DEPDC1B: variants seen among roughly 807,000 people sequenced by gnomAD.
DEPDC1B encodes DEP domain containing 1B.
Under a neutral mutation model 66.5 loss-of-function variants are expected in DEPDC1B, and 51 were observed. The ratio of observed to expected loss-of-function variants is 0.77; its 90% CI spans 0.61 to 0.97. DEPDC1B has a LOEUF of 0.97. DEPDC1B is among the 50% of genes least tolerant of loss of function. DEPDC1B has a pLI of 0.00. For synonymous variants in DEPDC1B, 226 were observed against 223.6 expected, an observed-to-expected ratio of 1.01 and a Z score of -0.10; for missense variants, 552 against 637.1, an observed-to-expected ratio of 0.87 and a Z score of 1.44.
rs2111689816 is a variant in DEPDC1B at position 60,597,627 on chromosome 5, TTATC to T, written c.*122_*125del. 1 of 1,034,748 alleles carries T rather than the reference TTATC, an allele frequency of 9.7e-7. No individual in the cohort carries two copies. The highest frequency in any genetic ancestry group is 1.4e-6 in the Non-Finnish European group (1 of 719,278). 64.1% of individuals were successfully genotyped at this position (1,034,748 alleles called of 1,614,324 possible). ...ACATTTTTAAAAACTAAGGCAATCTTTATCTATATTTCAGTAGTCTTTGTTTTAT... is the reference window on the plus strand; with the variant it reads ...ACATTTTTAAAAACTAAGGCAATCTTTATATTTCAGTAGTCTTTGTTTTAT... On this transcript the variant is annotated 3_prime_UTR_variant, in exon 11 of 11. Transcript: ENST00000265036.
chr5:60,620,857 A>T (rs1004039740), intron 7 of DEPDC1B, among the ~76,000 whole-genome samples: 1 of 152,258 alleles, frequency 6.6e-6, no homozygotes, highest in African/African-American at 2.4e-5. Flanking sequence ...TTATTGAGGC[A>T]CTATTCACAA....
intron 7 of DEPDC1B, among the ~76,000 whole-genome samples, chr5:60,634,027 G>T (rs764332488): frequency 3.9e-5 from 6 of 152,194 alleles, no homozygotes; most frequent in Non-Finnish European, 5.9e-5. Flanking sequence ...CCATGGACAG[G>T]TATAGGCAAA....
intron 2 of DEPDC1B, among the ~76,000 whole-genome samples, chr5:60,685,993 C>A (rs1178566619): frequency 6.6e-6 from 1 of 152,164 alleles, no homozygotes. Context: ...GAAGTTAGAT[C>A]CTAATGCACA....
In DEPDC1B at chr5:60,618,000, G is replaced by A. The variant is rs541078004; in HGVS notation, c.899-12144C>T. ...TTAAGAAACTCACTCAAAACCGCTC[G>A]ACTACATGGAAATTGAACAACCTGC... On this transcript the variant is annotated intron_variant, in intron 7 of 10. Transcript: ENST00000265036. Among the ~76,000 whole-genome samples the A allele has an allele frequency of 6.5e-4, 99 of 152,220 alleles. 2 individuals are homozygous for A. The South Asian group carries it at 0.013, about 20-fold the overall frequency.
intron 2 of DEPDC1B, among the ~76,000 whole-genome samples, chr5:60,669,308 A>G (rs1753976159): frequency 6.6e-6 from 1 of 152,212 alleles, no homozygotes; most frequent in South Asian, 2.1e-4. Context: ...GAGATTAACT[A>G]TATACTGTGG....
At chr5:60,639,053 T>G (rs1369931135) in intron 6 of DEPDC1B, among the ~76,000 whole-genome samples, 163 bp from the exon 7 acceptor site, 1 of 152,218 alleles carries the variant, frequency 6.6e-6, no homozygotes, top group Non-Finnish European at 1.5e-5. Flanking sequence ...CATTCTACAC[T>G]GATATTAATT....
chr5:60,605,194 A>C (rs1752284400), intron 8 of DEPDC1B, among the ~76,000 whole-genome samples: 1 of 152,234 alleles, frequency 6.6e-6, no homozygotes, highest in Non-Finnish European at 1.5e-5. Flanking sequence ...AAAGGGTACA[A>C]AGATCCAGTG....
At chr5:60,611,117 C>G (rs1752407125) in intron 7 of DEPDC1B, among the ~76,000 whole-genome samples, 4 of 152,198 alleles carry the variant, frequency 2.6e-5, no homozygotes, top group Admixed American at 2.6e-4. Context: ...CACACCATGT[C>G]TCTGTATCAC....
intron 2 of DEPDC1B, among the ~76,000 whole-genome samples, chr5:60,657,594 T>C (rs1301793752): frequency 6.6e-6 from 1 of 152,214 alleles, no homozygotes; most frequent in Non-Finnish European, 1.5e-5. Context: ...ATAATTATTT[T>C]GTTTAAGGAG....
Position 60,644,737 on chromosome 5 carries a change from GC to G in DEPDC1B, c.709+7del. 6.3e-7 allele frequency: 1 copy of G among 1,581,270 alleles called. No individual in the cohort carries two copies. Among genetic ancestry groups the G allele is most frequent in the Non-Finnish European group, 8.6e-7 (1 of 1,165,952 alleles). On this transcript the variant is annotated splice_region_variant and intron_variant, in intron 5 of 10. Transcript: ENST00000265036. ...CAATAAGTAACAAAATTATATTTAT[GC>G]ACTTACTTGACTTGTCATCAAGAAT...
At chr5:60,661,624 C>G (rs1168939930) in intron 2 of DEPDC1B, among the ~76,000 whole-genome samples, 3 of 152,146 alleles carry the variant, frequency 2.0e-5, no homozygotes, top group African/African-American at 7.2e-5. Context: ...TTTACAAGGG[C>G]TAGGACAATC....
intron 7 of DEPDC1B, among the ~76,000 whole-genome samples, chr5:60,631,374 C>A (rs968501661): frequency 2.0e-5 from 3 of 152,214 alleles, no homozygotes; most frequent in African/African-American, 7.2e-5. Flanking sequence ...AGGATCTTCT[C>A]AGCAGAAATG....
chr5:60,671,891 C>T (rs950596409), intron 2 of DEPDC1B, among the ~76,000 whole-genome samples: 1 of 152,206 alleles, frequency 6.6e-6, no homozygotes, highest in Non-Finnish European at 1.5e-5. Context: ...GAATAAACAA[C>T]AGTCTTTGCC....
In DEPDC1B at chr5:60,597,897, A is replaced by C; in HGVS notation, c.1446T>G (p.Pro482=). 2 of 1,599,674 alleles carry C rather than the reference A, an allele frequency of 1.3e-6. No homozygotes were observed. Among genetic ancestry groups the C allele is most frequent in the Non-Finnish European group, 1.7e-6 (2 of 1,176,748 alleles). Residue 482 remains proline, a synonymous_variant, in exon 11 of 11, where the codon CCT becomes CCG. Coordinates refer to ENST00000265036, the MANE Select transcript of DEPDC1B (RefSeq NM_018369.3). ...TAGGAAATCGTTCTTGATAGACTTCAGGATAGGATTTCTGAAACTAAAAAA... is the reference window on the plus strand; with the variant it reads ...TAGGAAATCGTTCTTGATAGACTTCCGGATAGGATTTCTGAAACTAAAAAA... ...KKLKQFQKSY[P]EVYQERFPTP... is the part of the protein sequence containing the mutation.
intron 2 of DEPDC1B, among the ~76,000 whole-genome samples, chr5:60,658,245 G>C (rs188458737): frequency 1.7e-3 from 264 of 152,000 alleles, no homozygotes; most frequent in Non-Finnish European, 2.9e-3. Flanking sequence ...CCTTTCTCTG[G>C]TGACTCCTTG....
rs1753223200 is a variant in DEPDC1B at position 60,642,857 on chromosome 5, C to T, written c.712G>A (p.Glu238Lys). The T allele has an allele frequency of 6.2e-7, 1 of 1,610,512 alleles. No individual in the cohort carries two copies. Among genetic ancestry groups the T allele is most frequent in the Non-Finnish European group, 8.5e-7 (1 of 1,178,756 alleles). The change falls in exon 6 of 11, where the codon GAA (glutamate) becomes AAA (lysine). Residue 238 changes from glutamate (E) to lysine (K), a missense_variant and splice_region_variant. Physicochemically the swap from Glu to Lys is moderately conservative, Grantham distance 56. Transcript: ENST00000265036. ...GVVILDDKSK[E>K]LPHWVLSAMK... Reference sequence around the variant, plus strand: ...GCTGACAGCACCCAATGAGGAAGTTCTTCTGAAGGAAAAAGAAAATTTGTA... The same window carrying T: ...GCTGACAGCACCCAATGAGGAAGTTTTTCTGAAGGAAAAAGAAAATTTGTA...
chr5:60,603,394 G>T lies in DEPDC1B; in HGVS notation c.1239C>A (p.Val413=), dbSNP rs1364045607. Residue 413 remains valine (V), a synonymous_variant, in exon 9 of 11, where the codon GTC becomes GTA. Transcript: ENST00000265036. Reference sequence around the variant, plus strand: ...CTGATAATATCCTCTCCTTTACCTGGACTCTTCGTAGATGAGCCACACGCT... The same window carrying T: ...CTGATAATATCCTCTCCTTTACCTGTACTCTTCGTAGATGAGCCACACGCT... The part of the protein sequence containing the change: ...IEERVAHLRR[V]QIKYPGADMD... 1 of 1,566,056 alleles carries T rather than the reference G, an allele frequency of 6.4e-7. No individual in the cohort carries two copies. The highest frequency in any genetic ancestry group is 8.6e-7 in the Non-Finnish European group (1 of 1,163,120).
chr5:60,658,871 C>T (rs1335819445), intron 2 of DEPDC1B, among the ~76,000 whole-genome samples: 1 of 152,164 alleles, frequency 6.6e-6, no homozygotes, highest in Non-Finnish European at 1.5e-5. Context: ...TTTTGCTCAC[C>T]ATCCACCACT....
intron 2 of DEPDC1B, among the ~76,000 whole-genome samples, chr5:60,671,281 C>G (rs1754028839): frequency 6.6e-6 from 1 of 152,204 alleles, no homozygotes; most frequent in Admixed American, 6.5e-5. Flanking sequence ...TTCTAGGTTT[C>G]CACTCAAGAA....
Sources: gnomAD v4.1 joint callset for allele counts (sites outside exome capture counted in the v4.1 genomes callset) on GRCh38, gnomAD v4.1.1 for gene constraint, MANE v1.5 for transcripts, NCBI Gene and HGNC (gene_info 2026-07-23, HGNC 2026-07-21) for gene names.